Variants in SCAF8 observed in about 807,000 individuals in gnomAD.
SCAF8 encodes SR-related CTD associated factor 8, also known as SR-related and CTD-associated factor 8.
A neutral mutation model predicts 140.5 loss-of-function variants in SCAF8; 23 were observed. The ratio of observed to expected loss-of-function variants is 0.16; its 90% CI spans 0.12 to 0.23. The LOEUF (loss-of-function observed/expected upper bound fraction) is 0.23. Among genes scored for constraint, SCAF8 ranks in the 10% least tolerant of loss-of-function variants. SCAF8 has a pLI of 1.00. For synonymous variants in SCAF8, 575 were observed against 528.9 expected, an observed-to-expected ratio of 1.09 and a Z score of -1.20; for missense variants, 1,397 against 1,555.7, an observed-to-expected ratio of 0.90 and a Z score of 1.72.
intron 1 of SCAF8, among the ~76,000 whole-genome samples, chr6:154,765,471 A>G (rs1776535021): frequency 6.6e-6 from 1 of 152,258 alleles, no homozygotes. Context: ...ACAAAATTAA[A>G]CACAATAGAA....
At position 154,793,780 on chromosome 6, in the gene SCAF8, A is replaced by G. The variant is rs1777495732; in HGVS notation, c.475+804A>G. Among the ~76,000 whole-genome samples the G allele has an allele frequency of 2.9e-5, 4 of 136,996 alleles. No individual in the cohort carries two copies. The South Asian group carries it at 9.1e-4, about 31-fold the overall frequency. 89.9% of individuals were successfully genotyped at this position (136,996 alleles called of 152,430 possible). ...CAGCGAGGCGAGATCGCGCCGTTGCACTCCAGCCTGGGCAACAAGAGCAAA... is the reference window on the plus strand; with the variant it reads ...CAGCGAGGCGAGATCGCGCCGTTGCGCTCCAGCCTGGGCAACAAGAGCAAA... On this transcript the variant is annotated intron_variant, in intron 5 of 19. Coordinates refer to ENST00000367178, the MANE Select transcript of SCAF8 (RefSeq NM_014892.5).
chr6:154,819,767 C>G (rs927756553), intron 14 of SCAF8, among the ~76,000 whole-genome samples: 4 of 152,170 alleles, frequency 2.6e-5, no homozygotes, highest in African/African-American at 9.7e-5. Context: ...AAAAACAAAA[C>G]TGGTGAGGCA....
chr6:154,797,750 T>G (rs1338390546), intron 6 of SCAF8, among the ~76,000 whole-genome samples: 1 of 151,490 alleles, frequency 6.6e-6, no homozygotes, highest in Admixed American at 6.6e-5. Flanking sequence ...TAATTACATA[T>G]TATGCATAGA....
At chr6:154,755,502 C>T (rs534049036) in intron 1 of SCAF8, among the ~76,000 whole-genome samples, 31 of 152,226 alleles carry the variant, frequency 2.0e-4, no homozygotes, top group South Asian at 1.0e-3. Context: ...CCTCCCGCCT[C>T]GGCCTCCCAA....
At chr6:154,767,731 G>A (rs1331231561) in intron 1 of SCAF8, among the ~76,000 whole-genome samples, 1 of 151,646 alleles carries the variant, frequency 6.6e-6, no homozygotes, top group African/African-American at 2.4e-5. Context: ...GAGAAACGGG[G>A]TCTTGCCATG....
At chr6:154,822,522 T>G (rs1448132479) in intron 16 of SCAF8, 113 bp downstream of exon 16, 1 of 1,077,874 alleles carries the variant, frequency 9.3e-7, no homozygotes, top group Non-Finnish European at 1.3e-6. Context: ...AATAAATGTT[T>G]GTCAGTAGTG....
chr6:154,817,703 A>G (rs556209342), intron 13 of SCAF8, among the ~76,000 whole-genome samples: 28 of 152,352 alleles, frequency 1.8e-4, no homozygotes, highest in South Asian at 8.3e-4. Flanking sequence ...AAAGGTTTCT[A>G]TGTAAGCTTT....
At chr6:154,760,482 T>A (rs573088628) in intron 1 of SCAF8, among the ~76,000 whole-genome samples, 85 of 152,214 alleles carry the variant, frequency 5.6e-4, no homozygotes, top group African/African-American at 1.5e-3. Flanking sequence ...TACTTTTTTT[T>A]AAAAAAGGGT....
chr6:154,759,838 T>C (rs914727193), intron 1 of SCAF8, among the ~76,000 whole-genome samples: 2 of 152,026 alleles, frequency 1.3e-5, no homozygotes, highest in African/African-American at 4.8e-5. Flanking sequence ...GCTAATTTTT[T>C]TGTATTTTTT....
chr6:154,752,829 C>G (rs991632079), intron 1 of SCAF8, among the ~76,000 whole-genome samples: 5 of 152,158 alleles, frequency 3.3e-5, no homozygotes, highest in African/African-American at 4.8e-5. Context: ...TCAAGTGATT[C>G]TCCTGCCTCA....
At chr6:154,782,452 G>A (rs1336046419) in intron 3 of SCAF8, among the ~76,000 whole-genome samples, 1 of 151,440 alleles carries the variant, frequency 6.6e-6, no homozygotes, top group Non-Finnish European at 1.5e-5. Flanking sequence ...AGAAAAAATG[G>A]GGGCGGCAGC....
At chr6:154,825,900 C>CT (rs1778553399) in intron 17 of SCAF8, among the ~76,000 whole-genome samples, 1 of 151,984 alleles carries the variant, frequency 6.6e-6, no homozygotes, top group Admixed American at 6.6e-5. Flanking sequence ...CCTAGAAACT[C>CT]TAATTCAAGA....
intron 17 of SCAF8, among the ~76,000 whole-genome samples, chr6:154,824,672 G>T (rs1175085176): frequency 6.6e-6 from 1 of 152,162 alleles, no homozygotes; most frequent in Non-Finnish European, 1.5e-5. Context: ...GCCGGGCATG[G>T]TGGCTCACAT....
chr6:154,733,891 CAG>C lies in SCAF8; in HGVS notation c.-9_-8del. On this transcript the variant is annotated 5_prime_UTR_variant, in exon 1 of 20. Coordinates refer to ENST00000367178, the MANE Select transcript of SCAF8 (RefSeq NM_014892.5). ...TCCGCCGCCGGGCTCGGGGCCTCCGCAGCGACAACATGGAGGCCGTGAAGACC... is the reference window on the plus strand; with the variant it reads ...TCCGCCGCCGGGCTCGGGGCCTCCGCCGACAACATGGAGGCCGTGAAGACC... The C allele has an allele frequency of 6.5e-7, 1 of 1,544,250 alleles. No individual in the cohort carries two copies. The highest frequency in any genetic ancestry group is 8.7e-7 in the Non-Finnish European group (1 of 1,150,612).
intron 1 of SCAF8, among the ~76,000 whole-genome samples, chr6:154,770,518 C>T (rs555644408): frequency 1.3e-5 from 2 of 151,512 alleles, no homozygotes; most frequent in South Asian, 4.2e-4. Flanking sequence ...CTGCAGTGAT[C>T]GGTGCTTATG....
intron 11 of SCAF8, among the ~76,000 whole-genome samples, chr6:154,809,468 C>G (rs929079332): frequency 6.6e-6 from 1 of 152,162 alleles, no homozygotes; most frequent in Non-Finnish European, 1.5e-5. Flanking sequence ...AATTATTTTC[C>G]TGAAGCATTA....
chr6:154,774,316 C>T (rs1365412926), intron 2 of SCAF8, among the ~76,000 whole-genome samples: 1 of 152,138 alleles, frequency 6.6e-6, no homozygotes, highest in Non-Finnish European at 1.5e-5. Flanking sequence ...GGCTGGACTG[C>T]AGTGCCACGA....
intron 1 of SCAF8, among the ~76,000 whole-genome samples, chr6:154,768,253 T>C (rs58694596): frequency 1.8e-4 from 27 of 152,342 alleles, no homozygotes; most frequent in African/African-American, 5.1e-4. Flanking sequence ...TTTCTTTTAA[T>C]GTCATGACTT....
intron 1 of SCAF8, among the ~76,000 whole-genome samples, chr6:154,770,335 G>A (rs994611612): frequency 8.0e-4 from 122 of 151,676 alleles, no homozygotes; most frequent in Admixed American, 1.2e-3. Context: ...ATGGTGATCT[G>A]TGCCTGTAGT....
Sources: gnomAD v4.1 joint callset for allele counts (sites outside exome capture counted in the v4.1 genomes callset) on GRCh38, gnomAD v4.1.1 for gene constraint, MANE v1.5 for transcripts, NCBI Gene and HGNC (gene_info 2026-07-23, HGNC 2026-07-21) for gene names.